SLC27A5: variants seen among roughly 807,000 people sequenced by gnomAD.
The protein encoded by SLC27A5 is long-chain fatty acid transport protein 5.
A neutral mutation model predicts 63.1 loss-of-function variants in SLC27A5; 47 were observed. The ratio of observed to expected loss-of-function variants is 0.74; its 90% confidence interval spans 0.59 to 0.95. The LOEUF (loss-of-function observed/expected upper bound fraction) is 0.95. Ranked by LOEUF, SLC27A5 falls within the 40% of genes least tolerant of loss-of-function variation. The pLI, the probability that SLC27A5 is intolerant of heterozygous loss-of-function variation, is 0.00. For missense variants in SLC27A5, 940 were observed against 921.0 expected (o/e 1.02, Z -0.27); for synonymous variants, 391 against 403.8 (o/e 0.97, Z 0.38).
Position 58,498,634 on chromosome 19 carries a change from C to T in SLC27A5, c.1954G>A (p.Gly652Ser), listed in dbSNP as rs748539057. 1.2e-6 allele frequency: 2 copies of T among 1,614,186 alleles called. No homozygotes were observed. Among genetic ancestry groups the T allele is most frequent in the South Asian group, 1.1e-5 (1 of 91,086 alleles). Residue 652 changes from glycine (G) to serine (S), a missense_variant, in exon 10 of 10, where the codon GGC becomes AGC. Physicochemically the swap from Gly to Ser is moderately conservative, Grantham distance 56. Coordinates refer to ENST00000263093, the MANE Select transcript of SLC27A5 (RefSeq NM_012254.3). ...TCAACCACGATCCCCACATTGAAGC[C>T]CTCACGCACCAACCGGGTCTTCATC... ...KLMKTRLVREGFNVGIVVDPL... is the reference protein window; with the variant it reads ...KLMKTRLVRESFNVGIVVDPL...
chr19:58,499,361 T>C, intron 7 of SLC27A5, 131 bp downstream of exon 7: 6 of 1,252,658 alleles, frequency 4.8e-6, no homozygotes, highest in Non-Finnish European at 6.5e-6. Flanking sequence ...CGCCTTCGCG[T>C]GAGAAGTCCT....
intron 3 of SLC27A5, among the ~76,000 whole-genome samples, chr19:58,506,426 T>G (rs902598960): frequency 6.6e-6 from 1 of 152,120 alleles, no homozygotes; most frequent in African/African-American, 2.4e-5. Context: ...TCCCAGCTAC[T>G]CAGGAGGCTC....
intron 4 of SLC27A5, 120 bp from the exon 5 acceptor site, chr19:58,500,826 G>A (rs1218574096): frequency 6.7e-7 from 1 of 1,483,458 alleles, no homozygotes; most frequent in East Asian, 2.4e-5. Flanking sequence ...AAGGTGATGG[G>A]GGACCTCTAC....
At position 58,500,726 on chromosome 19, in the gene SLC27A5, A is replaced by C. The variant is rs757779245; in HGVS notation, c.1183-20T>G. 1 of 1,603,346 alleles carries C rather than the reference A, an allele frequency of 6.2e-7. No homozygotes were observed. Among genetic ancestry groups the C allele is most frequent in the African/African-American group, 1.3e-5 (1 of 74,854 alleles). On this transcript the variant is annotated intron_variant, in intron 4 of 9. Transcript: ENST00000263093. The stretch of plus-strand genomic sequence containing the variant: ...TGGTTGCTACAGGAATGTCCCCAGA[A>C]GGGTGAGGAGGAGGTGCTCTTGGGG...
chr19:58,510,105 G>T, intron 2 of SLC27A5, 100 bp from the exon 3 acceptor site: 1 of 1,245,690 alleles, frequency 8.0e-7, no homozygotes, highest in Non-Finnish European at 1.1e-6. Flanking sequence ...CTACATTGGG[G>T]TTTGAGGCTC....
chr19:58,509,967 G>A lies in SLC27A5; in HGVS notation c.937C>T (p.Leu313=), dbSNP rs143272701. 1,988 of 1,614,042 alleles carry A rather than the reference G, an allele frequency of 1.2e-3. 3 individuals are homozygous for A. The highest frequency in any genetic ancestry group is 1.6e-3 in the Middle Eastern group (10 of 6,062). Residue 313 remains leucine, a synonymous_variant, in exon 3 of 10, where the codon CTG becomes TTG. Transcript: ENST00000263093. ...KPAILTHERV[L]QMSKMLSLSG... Reference sequence around the variant, plus strand: ...AAGGACAGCATCTTGCTCATCTGCAGTACCCGCTCATGCGTGAGGATGGCT... The same window carrying A: ...AAGGACAGCATCTTGCTCATCTGCAATACCCGCTCATGCGTGAGGATGGCT...
chr19:58,507,515 T>C (rs964678037), intron 3 of SLC27A5: 1 of 152,160 alleles, frequency 6.6e-6, no homozygotes, highest in Non-Finnish European at 1.5e-5. Context: ...AAATTGATTG[T>C]AAAATGTGTG....
At chr19:58,507,033 G>T (rs985428607) in intron 3 of SLC27A5, among the ~76,000 whole-genome samples, 1 of 151,066 alleles carries the variant, frequency 6.6e-6, no homozygotes, top group South Asian at 2.1e-4. Flanking sequence ...GTGAACCACC[G>T]GGCACAGCTA....
chr19:58,507,308 G>T, intron 3 of SLC27A5: 1 of 152,642 alleles, frequency 6.6e-6, no homozygotes, highest in South Asian at 1.9e-4. Context: ...GGAAGTCAGG[G>T]ACCCCTAACA....
At chr19:58,502,445 GAGAAGATGGATGGGTGAACAGAGT>G in intron 3 of SLC27A5, among the ~76,000 whole-genome samples, 1 of 147,020 alleles carries the variant, frequency 6.8e-6, no homozygotes, top group Non-Finnish European at 1.5e-5. Context: ...AGTAGTGAGT[GAGAAGATGGATGGGTGAACAGAGT>G]AGTGAGTGAG....
In SLC27A5 at chr19:58,498,575, G is replaced by A; in HGVS notation, c.2013C>T (p.Ser671=). The change falls in exon 10 of 10, where the codon TCC becomes TCT. Residue 671 remains serine, a synonymous_variant. Coordinates refer to ENST00000263093, the MANE Select transcript of SLC27A5 (RefSeq NM_012254.3). ...PLFVLDNRAQ[S]FRPLTAEMYQ... is the part of the protein sequence containing the mutation. The stretch of plus-strand genomic sequence containing the variant: ...ACATTTCTGCCGTCAGGGGCCGGAA[G>A]GACTGGGCCCGGTTGTCCAGTACAA... The A allele has an allele frequency of 6.2e-7, 1 of 1,614,112 alleles. No homozygotes were observed. The highest frequency in any genetic ancestry group is 8.5e-7 in the Non-Finnish European group (1 of 1,180,004).
At position 58,499,613 on chromosome 19, in the gene SLC27A5, C is replaced by G; in HGVS notation, c.1546G>C (p.Glu516Gln). 2 of 1,613,110 alleles carry G rather than the reference C, an allele frequency of 1.2e-6. No homozygotes were observed. The highest frequency in any genetic ancestry group is 1.1e-5 in the South Asian group (1 of 91,074). The change falls in exon 7 of 10, where the codon GAA (glutamate) becomes CAA (glutamine). Residue 516 changes from glutamate (E) to glutamine (Q), a missense_variant. By Grantham distance (29) the Glu-to-Gln change is conservative. Transcript: ENST00000263093. ...VGYRGPRELS[E>Q]RKLVRNVRQS... is the part of the protein sequence containing the mutation. ...CGCACGTTGCGCACCAGCTTCCGTT[C>G]CGACAGCTCTCGGGGGCCGCGGTAG...
chr19:58,509,319 G>A (rs1043166961), intron 3 of SLC27A5: 7 of 151,752 alleles, frequency 4.6e-5, no homozygotes, highest in African/African-American at 1.7e-4. Flanking sequence ...CCAGGAGGCA[G>A]AGGTTGCAGT....
intron 3 of SLC27A5, among the ~76,000 whole-genome samples, chr19:58,506,316 C>T (rs2053346766): frequency 6.6e-6 from 1 of 151,882 alleles, no homozygotes; most frequent in Non-Finnish European, 1.5e-5. Flanking sequence ...AGGTGGATCA[C>T]CTGAGGTCAG....
intron 4 of SLC27A5, chr19:58,501,069 A>T: frequency 1.6e-6 from 2 of 1,221,816 alleles, no homozygotes; most frequent in Non-Finnish European, 2.2e-6. Context: ...AGGGGCTATT[A>T]TCCCTGTTTT....
intron 3 of SLC27A5, among the ~76,000 whole-genome samples, chr19:58,505,690 A>T (rs1224901117): frequency 2.7e-5 from 4 of 150,542 alleles, no homozygotes; most frequent in East Asian, 2.0e-4. Context: ...CTAAAAACAT[A>T]AAAAAAAATT....
In SLC27A5 at chr19:58,499,604, G is replaced by C. The variant is rs748269122; in HGVS notation, c.1555C>G (p.Leu519Val). Residue 519 changes from leucine (L) to valine (V), a missense_variant, in exon 7 of 10, where the codon CTG becomes GTG. By Grantham distance (32) the Leu-to-Val change is conservative (BLOSUM62 1). Transcript: ENST00000263093. ...RGPRELSERK[L>V]VRNVRQSGDV... ...CCCGATTGCCGCACGTTGCGCACCA[G>C]CTTCCGTTCCGACAGCTCTCGGGGG... 3.7e-6 allele frequency: 6 copies of C among 1,613,014 alleles called. No individual in the cohort carries two copies. The East Asian group carries it at 1.1e-4, about 30-fold the overall frequency.
rs1415936779 is a variant in SLC27A5 at position 58,498,857 on chromosome 19, G to A, written c.1824C>T (p.Asp608=). ...GAACGTGCTGGTACAACTTCTCCCC[G>A]TCGAAAGTCTGGCCGGGGGCTAGCT... ...AVQLAPGQTF[D]GEKLYQHVRA... The change falls in exon 9 of 10, where the codon GAC becomes GAT. Residue 608 remains aspartate (D), a synonymous_variant. Coordinates refer to ENST00000263093, the MANE Select transcript of SLC27A5 (RefSeq NM_012254.3). The A allele has an allele frequency of 1.9e-6, 3 of 1,613,592 alleles. No homozygotes were observed. The African/African-American group carries it at 4.0e-5, about 22-fold the overall frequency.
In SLC27A5 at chr19:58,498,704, G is replaced by A. The variant is rs766118147; in HGVS notation, c.1897-13C>T. On this transcript the variant is annotated splice_polypyrimidine_tract_variant and intron_variant, in intron 9 of 9. Coordinates refer to ENST00000263093, the MANE Select transcript of SLC27A5 (RefSeq NM_012254.3). ...CCTCCATGGCGTCCTGCAGGGCAGT[G>A]ACCATGGTCCAATCACTGTGACATC... is the stretch of plus-strand genomic sequence containing the variant. The A allele has an allele frequency of 6.2e-7, 1 of 1,612,638 alleles. No homozygotes were observed. Among genetic ancestry groups the A allele is most frequent in the Non-Finnish European group, 8.5e-7 (1 of 1,178,952 alleles).
Sources: gnomAD v4.1 joint callset for allele counts (sites outside exome capture counted in the v4.1 genomes callset) on GRCh38, gnomAD v4.1.1 for gene constraint, MANE v1.5 for transcripts, NCBI Gene and HGNC (gene_info 2026-07-23, HGNC 2026-07-21) for gene names.